MICU2: variants seen among roughly 807,000 people sequenced by gnomAD.
The protein encoded by MICU2 is calcium uptake protein 2, mitochondrial.
Under a neutral mutation model 60.4 loss-of-function variants are expected in MICU2, and 64 were observed. The ratio of observed to expected loss-of-function variants is 1.06; its 90% CI spans 0.87 to 1.31. The LOEUF is 1.31. Among genes scored for constraint, MICU2 ranks in the 50% most tolerant of loss-of-function variants. MICU2 has a pLI of 0.00. For synonymous variants in MICU2, 201 were observed against 175.0 expected, an observed-to-expected ratio of 1.15 and a Z score of -1.17; for missense variants, 569 against 531.0, an observed-to-expected ratio of 1.07 and a Z score of -0.70.
intron 5 of MICU2, among the ~76,000 whole-genome samples, chr13:21,521,709 C>T (rs1457816780): frequency 6.6e-6 from 1 of 152,168 alleles, no homozygotes; most frequent in Non-Finnish European, 1.5e-5. Context: ...ACAACAACAA[C>T]GTATTTTGCA....
At chr13:21,512,253 G>A (rs886288293) in intron 7 of MICU2, among the ~76,000 whole-genome samples, 2 of 152,034 alleles carry the variant, frequency 1.3e-5, no homozygotes, top group African/African-American at 4.8e-5. Context: ...TATTTTCTTT[G>A]GAGAAATATT....
At chr13:21,597,378 T>G (rs190849948) in intron 1 of MICU2, among the ~76,000 whole-genome samples, 2 of 152,202 alleles carry the variant, frequency 1.3e-5, no homozygotes, top group African/African-American at 4.8e-5. Context: ...ATTTAATATA[T>G]CTGGGACAGT....
At chr13:21,530,867 C>T in intron 4 of MICU2, 1 of 749,544 alleles carries the variant, frequency 1.3e-6, no homozygotes, top group Non-Finnish European at 2.4e-6. Context: ...GACTCACCCT[C>T]CTACGTCCTG....
intron 4 of MICU2, chr13:21,530,807 G>A (rs1449391243): frequency 2.5e-5 from 18 of 706,412 alleles, no homozygotes; most frequent in African/African-American, 1.2e-4. Context: ...GATGGCGGCC[G>A]AGGCCAGGCA....
At chr13:21,550,197 T>A (rs1256577507) in intron 2 of MICU2, among the ~76,000 whole-genome samples, 1 of 152,166 alleles carries the variant, frequency 6.6e-6, no homozygotes, top group Non-Finnish European at 1.5e-5. Context: ...GCTACACAAA[T>A]TTATTAACTT....
At chr13:21,586,859 A>G (rs1214426439) in intron 1 of MICU2, among the ~76,000 whole-genome samples, 1 of 152,212 alleles carries the variant, frequency 6.6e-6, no homozygotes, top group East Asian at 1.9e-4. Context: ...ATATACAAAC[A>G]TTTAAATATA....
intron 1 of MICU2, among the ~76,000 whole-genome samples, chr13:21,583,402 C>T (rs577838066): frequency 8.3e-4 from 126 of 152,268 alleles, no homozygotes; most frequent in African/African-American, 2.9e-3. Context: ...TGTATTGCAA[C>T]GGTTTCCTGG....
intron 2 of MICU2, among the ~76,000 whole-genome samples, chr13:21,547,718 TA>T (rs2138013110): frequency 7.3e-6 from 1 of 136,734 alleles, no homozygotes; most frequent in African/African-American, 2.8e-5. Context: ...TGATGTCAAG[TA>T]AGACAGACCC....
chr13:21,537,538 C>T (rs139257639), intron 4 of MICU2, among the ~76,000 whole-genome samples: 14 of 150,220 alleles, frequency 9.3e-5, no homozygotes, highest in Admixed American at 4.0e-4. Context: ...GGCATGATCT[C>T]GGCTCACTGC....
chr13:21,495,202 A>C lies in MICU2; in HGVS notation c.1159T>G (p.Phe387Val). 6.2e-7 allele frequency: 1 copy of C among 1,611,438 alleles called. No homozygotes were observed. Among genetic ancestry groups the C allele is most frequent in the Non-Finnish European group, 8.5e-7 (1 of 1,179,000 alleles). The change falls in exon 11 of 12, where the codon TTT (phenylalanine) becomes GTT (valine). Residue 387 changes from phenylalanine (F) to valine (V), a missense_variant. Phe to Val is a conservative substitution (Grantham distance 50, BLOSUM62 -1). Transcript: ENST00000382374. ...DGDECLSHEE[F>V]LGVLKNRMHR... ...ATTCTGTTTTTTAACACCCCAAGAA[A>C]CTCTTCATGACTAAGACATTCATCA...
At chr13:21,581,515 A>G (rs1888347776) in intron 1 of MICU2, among the ~76,000 whole-genome samples, 1 of 152,196 alleles carries the variant, frequency 6.6e-6, no homozygotes, top group Non-Finnish European at 1.5e-5. Flanking sequence ...TTTTTGGGAA[A>G]GAGTATGTAA....
chr13:21,600,013 A>T (rs1888779941), intron 1 of MICU2, among the ~76,000 whole-genome samples: 1 of 152,226 alleles, frequency 6.6e-6, no homozygotes, highest in African/African-American at 2.4e-5. Flanking sequence ...TTATGAAAAC[A>T]ATGAAACAAA....
At position 21,521,923 on chromosome 13, in the gene MICU2, G is replaced by C. The variant is rs150015452; in HGVS notation, c.515-596C>G. Among the ~76,000 whole-genome samples, 49 of 152,212 alleles carry C rather than the reference G, an allele frequency of 3.2e-4. No homozygotes were observed. The East Asian group carries it at 7.7e-3, about 24-fold the overall frequency. ...TCGACAAGTAGTTGCGACTACAGGT[G>C]TGCACCACCACACCTCGCAAATTTT... On this transcript the variant is annotated intron_variant, in intron 5 of 11. Transcript: ENST00000382374.
At chr13:21,577,398 TA>T (rs1888249219) in intron 1 of MICU2, among the ~76,000 whole-genome samples, 1 of 151,824 alleles carries the variant, frequency 6.6e-6, no homozygotes, top group Non-Finnish European at 1.5e-5. Context: ...CTCATGTCTG[TA>T]ATCCCAGGAC....
intron 1 of MICU2, among the ~76,000 whole-genome samples, chr13:21,598,528 CA>C (rs1449511497): frequency 6.6e-6 from 1 of 151,992 alleles, no homozygotes; most frequent in African/African-American, 2.4e-5. Context: ...CCAGCCTGAC[CA>C]ATATGGTGAA....
intron 4 of MICU2, 93 bp downstream of exon 4, chr13:21,539,209 A>G (rs1887213266): frequency 3.6e-6 from 4 of 1,116,768 alleles, no homozygotes; most frequent in African/African-American, 1.6e-5. Context: ...CACCTATTAA[A>G]TAACATGGTA....
At chr13:21,538,968 G>A (rs1412924200) in intron 4 of MICU2, among the ~76,000 whole-genome samples, 1 of 151,978 alleles carries the variant, frequency 6.6e-6, no homozygotes, top group East Asian at 1.9e-4. Context: ...TGGCTTCTGT[G>A]ATAACACTCT....
In MICU2 at chr13:21,511,056, G is replaced by C. The variant is rs548493368; in HGVS notation, c.664-955C>G. 7.9e-5 allele frequency among the ~76,000 whole-genome samples: 12 copies of C among 152,228 alleles called. No homozygotes were observed. In the South Asian group the frequency reaches 2.5e-3, roughly 32 times the overall value. ...TTGAGGGAATAATCAGAAGCCCACAGGGTGGGATATACCTTGGAGGGTGGA... is the reference window on the plus strand; with the variant it reads ...TTGAGGGAATAATCAGAAGCCCACACGGTGGGATATACCTTGGAGGGTGGA... On this transcript the variant is annotated intron_variant, in intron 7 of 11. Coordinates refer to ENST00000382374, the MANE Select transcript of MICU2 (RefSeq NM_152726.3).
chr13:21,603,871 T>A (rs1319670780), intron 1 of MICU2, 68 bp downstream of exon 1: 41 of 1,560,234 alleles, frequency 2.6e-5, no homozygotes, highest in Non-Finnish European at 3.3e-5. Flanking sequence ...GCCAAACCAC[T>A]CCCCGCCTAA....
Sources: gnomAD v4.1 joint callset for allele counts (sites outside exome capture counted in the v4.1 genomes callset) on GRCh38, gnomAD v4.1.1 for gene constraint, MANE v1.5 for transcripts, NCBI Gene and HGNC (gene_info 2026-07-23, HGNC 2026-07-21) for gene names.